Variants in FARS2 observed in about 807,000 individuals in gnomAD.
FARS2 encodes phenylalanine--tRNA ligase, mitochondrial.
In FARS2, 40 loss-of-function variants were observed where a neutral mutation model predicts 46.4. The observed-to-expected ratio is 0.86, with a 90% CI of 0.67 to 1.12. FARS2 has a LOEUF of 1.12. Among genes scored for constraint, FARS2 ranks in the 50% most tolerant of loss-of-function variants. The pLI, the probability that FARS2 is intolerant of heterozygous loss-of-function variation, is 0.00. For synonymous variants in FARS2, 234 were observed against 214.9 expected, an observed-to-expected ratio of 1.09 and a Z score of -0.78; for missense variants, 513 against 567.9, an observed-to-expected ratio of 0.90 and a Z score of 0.98.
At chr6:5,720,049 A>T (rs1390343054) in intron 6 of FARS2, among the ~76,000 whole-genome samples, 1 of 151,916 alleles carries the variant, frequency 6.6e-6, no homozygotes. Context: ...AATGGTAGTT[A>T]GTCTCCTGTT....
At chr6:5,296,253 T>A (rs1458264029) in intron 1 of FARS2, among the ~76,000 whole-genome samples, 1 of 143,740 alleles carries the variant, frequency 7.0e-6, no homozygotes, top group African/African-American at 2.6e-5. Context: ...ACCATTCTCC[T>A]GCCTCAGCCT....
intron 6 of FARS2, among the ~76,000 whole-genome samples, chr6:5,693,907 A>G (rs1757931647): frequency 4.6e-5 from 7 of 152,216 alleles, no homozygotes; most frequent in Non-Finnish European, 1.5e-5. Context: ...AAGCTCCGCT[A>G]TCTTTGTCAC....
chr6:5,316,687 G>T (rs2127557399), intron 1 of FARS2, among the ~76,000 whole-genome samples: 1 of 152,322 alleles, frequency 6.6e-6, no homozygotes, highest in East Asian at 1.9e-4. Flanking sequence ...GGGGCCCAGA[G>T]CCGCCACACT....
chr6:5,589,045 C>T (rs1163323227), intron 5 of FARS2, among the ~76,000 whole-genome samples: 1 of 152,202 alleles, frequency 6.6e-6, no homozygotes, highest in Admixed American at 6.5e-5. Context: ...AACTGGCCCT[C>T]CATGTCCCAG....
intron 6 of FARS2, among the ~76,000 whole-genome samples, chr6:5,638,441 T>C (rs1776648910): frequency 6.6e-6 from 1 of 152,174 alleles, no homozygotes; most frequent in African/African-American, 2.4e-5. Flanking sequence ...GGCACGTGCC[T>C]GTAGTCCCAG....
chr6:5,519,240 G>A (rs1401028725), intron 4 of FARS2, among the ~76,000 whole-genome samples: 1 of 152,200 alleles, frequency 6.6e-6, no homozygotes, highest in Non-Finnish European at 1.5e-5. Flanking sequence ...CTGTAAGATA[G>A]ATTGGCTTTA....
At chr6:5,549,652 C>T (rs9504433) in intron 5 of FARS2, among the ~76,000 whole-genome samples, 31,439 of 152,100 alleles carry the variant, frequency 0.21, 4,034 homozygotes, top group African/African-American at 0.33. Flanking sequence ...AAATACTTCT[C>T]TTAAAGTAAT....
chr6:5,627,053 C>T (rs139932439), intron 6 of FARS2, among the ~76,000 whole-genome samples: 15 of 152,280 alleles, frequency 9.9e-5, no homozygotes, highest in African/African-American at 1.4e-4. Context: ...TTGTTCACAC[C>T]GCATCACCAC....
At chr6:5,404,431 T>TC in intron 2 of FARS2, 111 bp from the exon 3 acceptor site, 1 of 621,974 alleles carries the variant, frequency 1.6e-6, no homozygotes, top group Non-Finnish European at 2.7e-6. Flanking sequence ...TGAGTCTTAT[T>TC]CCCACATTAT....
intron 5 of FARS2, among the ~76,000 whole-genome samples, chr6:5,574,215 C>T (rs1772827225): frequency 6.6e-6 from 1 of 152,050 alleles, no homozygotes; most frequent in South Asian, 2.1e-4. Context: ...CACTGCAGCT[C>T]CCGGGTTCAG....
chr6:5,757,221 A>T (rs1041641155), intron 6 of FARS2, among the ~76,000 whole-genome samples: 1 of 152,016 alleles, frequency 6.6e-6, no homozygotes, highest in Non-Finnish European at 1.5e-5. Context: ...ACTTCTTTTC[A>T]CAAAGTTTGG....
chr6:5,258,193 A>G (rs1180246072), upstream of FARS2, among the ~76,000 whole-genome samples: 1 of 152,234 alleles, frequency 6.6e-6, no homozygotes, highest in Non-Finnish European at 1.5e-5. Context: ...AGGAGCAGAC[A>G]GGGCTCCTGC....
intron 4 of FARS2, among the ~76,000 whole-genome samples, chr6:5,527,213 T>A (rs192417858): frequency 6.6e-6 from 1 of 152,372 alleles, no homozygotes; most frequent in East Asian, 1.9e-4. Flanking sequence ...ACCCTGTAAG[T>A]CTATTTTGTG....
At chr6:5,584,739 C>T (rs1211370856) in intron 5 of FARS2, among the ~76,000 whole-genome samples, 3 of 152,000 alleles carry the variant, frequency 2.0e-5, no homozygotes, top group East Asian at 1.9e-4. Flanking sequence ...AAGAGGTCTT[C>T]GAAATAAATC....
At chr6:5,355,368 C>CTTTTTTTTTTTT (rs200590190) in intron 1 of FARS2, among the ~76,000 whole-genome samples, 6 of 142,444 alleles carry the variant, frequency 4.2e-5, no homozygotes, top group Admixed American at 7.0e-5. Context: ...TTAGGTTTTC[C>CTTTTTTTTTTTT]TTTTTGTTTT....
intron 6 of FARS2, among the ~76,000 whole-genome samples, chr6:5,667,781 G>A (rs1281403365): frequency 6.6e-6 from 1 of 152,168 alleles, no homozygotes; most frequent in Non-Finnish European, 1.5e-5. Context: ...AAAGGTATTA[G>A]CAACAGTTAG....
At chr6:5,336,685 A>G (rs570284838) in intron 1 of FARS2, among the ~76,000 whole-genome samples, 12 of 152,108 alleles carry the variant, frequency 7.9e-5, no homozygotes, top group Non-Finnish European at 1.3e-4. Context: ...AAAATGTACA[A>G]TTGTTACTGA....
chr6:5,670,434 T>G (rs927683687), intron 6 of FARS2, among the ~76,000 whole-genome samples: 5 of 152,206 alleles, frequency 3.3e-5, no homozygotes, highest in African/African-American at 1.2e-4. Context: ...TTCTAGAGAG[T>G]AGAAACCATG....
intron 6 of FARS2, among the ~76,000 whole-genome samples, chr6:5,669,248 G>C (rs1778319933): frequency 6.6e-6 from 1 of 151,980 alleles, no homozygotes; most frequent in Non-Finnish European, 1.5e-5. Flanking sequence ...TGCCTTCTGT[G>C]GTCAGTACTT....
Sources: gnomAD v4.1 joint callset for allele counts (sites outside exome capture counted in the v4.1 genomes callset) on GRCh38, gnomAD v4.1.1 for gene constraint, MANE v1.5 for transcripts, NCBI Gene and HGNC (gene_info 2026-07-23, HGNC 2026-07-21) for gene names.